AFF3: variants seen among roughly 807,000 people sequenced by gnomAD.
AFF3 encodes the protein AF4/FMR2 family member 3.
Under a neutral mutation model 129.7 loss-of-function variants are expected in AFF3, and 32 were observed. The ratio of observed to expected loss-of-function variants is 0.25; its 90% CI spans 0.19 to 0.33. The LOEUF is 0.33. Ranked by LOEUF, AFF3 falls within the 10% of genes least tolerant of loss-of-function variation. AFF3 has a pLI of 1.00. For synonymous variants in AFF3, 644 were observed against 635.4 expected, an observed-to-expected ratio of 1.01 and a Z score of -0.20; for missense variants, 1,373 against 1,592.0, an observed-to-expected ratio of 0.86 and a Z score of 2.34.
intron 8 of AFF3, among the ~76,000 whole-genome samples, chr2:99,768,549 T>C (rs1558831941): frequency 6.6e-6 from 1 of 152,248 alleles, no homozygotes; most frequent in East Asian, 1.9e-4. Context: ...AGTTACAGTG[T>C]TGCAATATTC....
intron 7 of AFF3, among the ~76,000 whole-genome samples, chr2:99,882,444 T>TG (rs542290046): frequency 1.8e-3 from 273 of 152,294 alleles, no homozygotes; most frequent in African/African-American, 6.4e-3. Flanking sequence ...CACAGAAGCC[T>TG]GGGGGGTCCT....
chr2:99,593,134 C>G, intron 15 of AFF3, 61 bp downstream of exon 15: 2 of 1,510,910 alleles, frequency 1.3e-6, no homozygotes, highest in Non-Finnish European at 1.8e-6. Context: ...CAAGTACCCA[C>G]AAGTTAAGAG....
intron 7 of AFF3, among the ~76,000 whole-genome samples, chr2:99,869,549 AG>A (rs1691706573): frequency 6.6e-6 from 1 of 152,238 alleles, no homozygotes; most frequent in Non-Finnish European, 1.5e-5. Context: ...GGGACTTCAC[AG>A]GACTTTGACT....
chr2:99,945,427 A>C (rs944752247), intron 7 of AFF3, among the ~76,000 whole-genome samples: 1 of 152,072 alleles, frequency 6.6e-6, no homozygotes, highest in Non-Finnish European at 1.5e-5. Flanking sequence ...TTCTCATCAC[A>C]CTTTCTCACC....
chr2:99,801,621 G>A (rs1216086165), intron 8 of AFF3, among the ~76,000 whole-genome samples: 3 of 152,228 alleles, frequency 2.0e-5, no homozygotes, highest in Non-Finnish European at 2.9e-5. Context: ...CATTTCCTTC[G>A]GGACAATCTG....
At chr2:99,957,469 G>A (rs962684609) in intron 7 of AFF3, among the ~76,000 whole-genome samples, 11 of 152,170 alleles carry the variant, frequency 7.2e-5, no homozygotes, top group Non-Finnish European at 1.5e-4. Flanking sequence ...GGAAGGGGGA[G>A]AAAACAGAAC....
At chr2:100,011,425 G>A in intron 4 of AFF3, 1 of 779,398 alleles carries the variant, frequency 1.3e-6, no homozygotes, top group Non-Finnish European at 2.4e-6. Context: ...CCTCATGTAA[G>A]ATGGAGCAGG....
chr2:99,719,041 G>A (rs111396731), intron 11 of AFF3, among the ~76,000 whole-genome samples: 10,109 of 142,312 alleles, frequency 0.071, 397 homozygotes, highest in East Asian at 0.11. Context: ...GTGAGCCAAC[G>A]CGCCCGGCCT....
intron 7 of AFF3, among the ~76,000 whole-genome samples, chr2:99,885,908 A>T (rs910857853): frequency 1.3e-5 from 2 of 152,176 alleles, no homozygotes; most frequent in Non-Finnish European, 1.5e-5. Context: ...CTCTTACTAC[A>T]TTAACCCATA....
intron 11 of AFF3, among the ~76,000 whole-genome samples, chr2:99,716,749 T>C (rs1678429220): frequency 6.6e-6 from 1 of 151,922 alleles, no homozygotes; most frequent in Non-Finnish European, 1.5e-5. Flanking sequence ...GGCGTTGTGG[T>C]GCTTCCCTGT....
chr2:99,822,345 G>A (rs1687754635), intron 8 of AFF3, among the ~76,000 whole-genome samples: 1 of 146,062 alleles, frequency 6.8e-6, no homozygotes, highest in East Asian at 2.0e-4. Context: ...CAGGTTGGGG[G>A]TGGGTTTGGG....
chr2:99,910,438 C>T (rs778688660), intron 7 of AFF3, among the ~76,000 whole-genome samples: 2 of 152,196 alleles, frequency 1.3e-5, no homozygotes, highest in Non-Finnish European at 2.9e-5. Flanking sequence ...CAAATATGTT[C>T]TTCCTCCACT....
At chr2:99,954,411 C>T (rs1013924797) in intron 7 of AFF3, among the ~76,000 whole-genome samples, 20 of 152,234 alleles carry the variant, frequency 1.3e-4, no homozygotes, top group African/African-American at 4.8e-4. Context: ...CATCCCATTA[C>T]TGGGTATATA....
At chr2:100,055,101 T>C (rs1174161167) in intron 4 of AFF3, among the ~76,000 whole-genome samples, 3 of 152,226 alleles carry the variant, frequency 2.0e-5, no homozygotes, top group African/African-American at 4.8e-5. Flanking sequence ...TTGGCTCATA[T>C]TGAGTCTGCA....
chr2:100,079,676 A>G (rs895457999), intron 4 of AFF3, among the ~76,000 whole-genome samples: 3 of 152,188 alleles, frequency 2.0e-5, no homozygotes, highest in African/African-American at 7.2e-5. Context: ...ACGCTTCCCC[A>G]GCTCATAACC....
At chr2:100,066,316 T>C (rs1573319365) in intron 4 of AFF3, among the ~76,000 whole-genome samples, 1 of 151,978 alleles carries the variant, frequency 6.6e-6, no homozygotes. Flanking sequence ...AAACGGAGAG[T>C]AGAATACTTT....
At chr2:100,104,857 C>G (rs899161848) in intron 3 of AFF3, 1 of 480,912 alleles carries the variant, frequency 2.1e-6, no homozygotes, top group Non-Finnish European at 2.7e-6. Flanking sequence ...GCCTCTTTCT[C>G]CTCCGGGAGG....
At chr2:100,091,069 A>C (rs1182017793) in intron 4 of AFF3, among the ~76,000 whole-genome samples, 3 of 152,082 alleles carry the variant, frequency 2.0e-5, no homozygotes, top group Non-Finnish European at 4.4e-5. Context: ...TACATATTAC[A>C]GGATAGTGGT....
intron 7 of AFF3, among the ~76,000 whole-genome samples, chr2:99,950,756 T>G (rs182902564): frequency 6.6e-6 from 1 of 152,230 alleles, no homozygotes; most frequent in Non-Finnish European, 1.5e-5. Flanking sequence ...CATATCAATA[T>G]GTGAATTTTA....
Sources: gnomAD v4.1 joint callset for allele counts (sites outside exome capture counted in the v4.1 genomes callset) on GRCh38, gnomAD v4.1.1 for gene constraint, MANE v1.5 for transcripts, NCBI Gene and HGNC (gene_info 2026-07-23, HGNC 2026-07-21) for gene names.